NKAIN2: variants seen among roughly 807,000 people sequenced by gnomAD.
The protein encoded by NKAIN2 is sodium/potassium-transporting ATPase subunit beta-1-interacting protein 2.
In NKAIN2, 14 loss-of-function variants were observed where a neutral mutation model predicts 32.6. The ratio of observed to expected loss-of-function variants is 0.43; its 90% CI spans 0.28 to 0.67. NKAIN2 has a LOEUF of 0.67. Among genes scored for constraint, NKAIN2 ranks in the 30% least tolerant of loss-of-function variants. The pLI, the probability that NKAIN2 is intolerant of heterozygous loss-of-function variation, is 0.17. For missense variants in NKAIN2, 198 were observed against 258.3 expected (o/e 0.77, Z 1.60); for synonymous variants, 80 against 87.2 (o/e 0.92, Z 0.46).
At chr6:123,916,322 G>A (rs555894288) in intron 1 of NKAIN2, among the ~76,000 whole-genome samples, 2 of 151,984 alleles carry the variant, frequency 1.3e-5, no homozygotes, top group African/African-American at 2.4e-5. Flanking sequence ...GTGCAATCTC[G>A]GCACACTGCA....
At chr6:124,167,400 A>G (rs926076924) in intron 1 of NKAIN2, among the ~76,000 whole-genome samples, 7 of 152,154 alleles carry the variant, frequency 4.6e-5, no homozygotes, top group African/African-American at 1.7e-4. Flanking sequence ...GTTGCTTATC[A>G]GCTTAAGGAG....
chr6:124,018,131 G>A (rs1213473908), intron 1 of NKAIN2, among the ~76,000 whole-genome samples: 1 of 152,162 alleles, frequency 6.6e-6, no homozygotes, highest in Non-Finnish European at 1.5e-5. Flanking sequence ...CATGGAAGCT[G>A]TCAAAGCTTG....
In NKAIN2 at chr6:124,034,487, A is replaced by G. The variant is rs113958651; in HGVS notation, c.54+230233A>G. Among the ~76,000 whole-genome samples the G allele has an allele frequency of 4.0e-3, 610 of 152,234 alleles. 8 individuals are homozygous for G. Among genetic ancestry groups the G allele is most frequent in the African/African-American group, 0.014 (580 of 41,558 alleles). On this transcript the variant is annotated intron_variant, in intron 1 of 6. Coordinates refer to ENST00000368417, the MANE Select transcript of NKAIN2 (RefSeq NM_001040214.3). ...ATGGCTTTGTAATATTCTATGGTGT[A>G]TATGAATCACATTTTTAAAATTCAG...
chr6:124,247,651 G>C (rs1793480513), intron 1 of NKAIN2, among the ~76,000 whole-genome samples: 1 of 152,094 alleles, frequency 6.6e-6, no homozygotes, highest in Non-Finnish European at 1.5e-5. Context: ...TGCAAGTGTT[G>C]TGAAGAGTTT....
chr6:123,989,184 T>G (rs528356597), intron 1 of NKAIN2, among the ~76,000 whole-genome samples: 1 of 152,174 alleles, frequency 6.6e-6, no homozygotes, highest in Non-Finnish European at 1.5e-5. Flanking sequence ...ATAATTTGTT[T>G]GGCTAATTGA....
intron 1 of NKAIN2, among the ~76,000 whole-genome samples, chr6:124,099,020 G>T (rs1375434435): frequency 6.6e-6 from 1 of 152,054 alleles, no homozygotes; most frequent in Non-Finnish European, 1.5e-5. Context: ...CTGTCATAAA[G>T]ACAAACTGAA....
intron 2 of NKAIN2, among the ~76,000 whole-genome samples, chr6:124,353,819 T>A (rs1414351437): frequency 1.3e-5 from 2 of 151,756 alleles, no homozygotes; most frequent in Non-Finnish European, 2.9e-5. Flanking sequence ...AAATAATATA[T>A]GTGTCTGGAA....
At chr6:123,840,527 A>G (rs985425387) in intron 1 of NKAIN2, among the ~76,000 whole-genome samples, 22 of 152,248 alleles carry the variant, frequency 1.4e-4, no homozygotes, top group African/African-American at 5.1e-4. Context: ...AACAATAATA[A>G]TTTTTAACTT....
At chr6:124,204,127 C>G (rs955911560) in intron 1 of NKAIN2, among the ~76,000 whole-genome samples, 1 of 151,810 alleles carries the variant, frequency 6.6e-6, no homozygotes, top group African/African-American at 2.4e-5. Context: ...TAAACTATAG[C>G]CTTCAACAAT....
At chr6:124,055,892 A>T (rs1782621272) in intron 1 of NKAIN2, among the ~76,000 whole-genome samples, 1 of 152,188 alleles carries the variant, frequency 6.6e-6, no homozygotes, top group African/African-American at 2.4e-5. Flanking sequence ...ACATGACCAG[A>T]TGTGGTGAGA....
intron 1 of NKAIN2, among the ~76,000 whole-genome samples, chr6:123,911,948 A>G (rs1775235618): frequency 6.6e-6 from 1 of 150,686 alleles, no homozygotes; most frequent in East Asian, 2.0e-4. Context: ...AATTCAGTCT[A>G]TGTTTTGGAC....
At chr6:123,823,936 G>A (rs889791568) in intron 1 of NKAIN2, among the ~76,000 whole-genome samples, 1 of 152,078 alleles carries the variant, frequency 6.6e-6, no homozygotes, top group Non-Finnish European at 1.5e-5. Context: ...AAGTAGTTAG[G>A]AATAGATGGA....
chr6:124,602,437 T>C (rs1226145442), intron 3 of NKAIN2, among the ~76,000 whole-genome samples: 1 of 152,014 alleles, frequency 6.6e-6, no homozygotes, highest in Non-Finnish European at 1.5e-5. Context: ...TGAAAATAAC[T>C]TTCCTTTATA....
At chr6:124,326,432 A>G (rs919775874) in intron 2 of NKAIN2, among the ~76,000 whole-genome samples, 60 of 152,154 alleles carry the variant, frequency 3.9e-4, no homozygotes, top group African/African-American at 9.6e-4. Context: ...GTTACCATGA[A>G]CACCTCAAAT....
At chr6:124,117,143 C>T (rs755287767) in intron 1 of NKAIN2, among the ~76,000 whole-genome samples, 1 of 151,428 alleles carries the variant, frequency 6.6e-6, no homozygotes, top group South Asian at 2.1e-4. Flanking sequence ...TTTTCAATAG[C>T]AAATTTGAAG....
chr6:124,749,840 A>G lies in NKAIN2; in HGVS notation c.475-41499A>G, dbSNP rs533478188. Among the ~76,000 whole-genome samples the G allele has an allele frequency of 1.6e-3, 241 of 152,036 alleles. 3 individuals carry two copies. The highest frequency in any genetic ancestry group is 5.3e-3 in the African/African-American group (222 of 41,526). On this transcript the variant is annotated intron_variant, in intron 4 of 6. Coordinates refer to ENST00000368417, the MANE Select transcript of NKAIN2 (RefSeq NM_001040214.3). ...ATAATTTGATCTCACCCTATTTTAT[A>G]ACCCCATTTCCCACTATTTCCCCTT... is the stretch of plus-strand genomic sequence containing the variant.
chr6:123,944,147 C>T (rs898440610), intron 1 of NKAIN2, among the ~76,000 whole-genome samples: 2 of 152,008 alleles, frequency 1.3e-5, no homozygotes, highest in African/African-American at 4.8e-5. Flanking sequence ...CTTATACCTT[C>T]CCCTGGTTTT....
chr6:124,587,376 C>T lies in NKAIN2; in HGVS notation c.274-70810C>T, dbSNP rs564375744. 1.4e-3 allele frequency among the ~76,000 whole-genome samples: 209 copies of T among 151,924 alleles called. 1 individual carries two copies. The highest frequency in any genetic ancestry group is 4.7e-3 in the African/African-American group (195 of 41,336). ...CTGGAATTACAGGCGCATGCCACCA[C>T]GCCCGGCTAATTTTTGTATTTTTAG... On this transcript the variant is annotated intron_variant, in intron 3 of 6. Coordinates refer to ENST00000368417, the MANE Select transcript of NKAIN2 (RefSeq NM_001040214.3).
intron 1 of NKAIN2, among the ~76,000 whole-genome samples, chr6:124,271,545 T>C (rs1192271954): frequency 1.3e-5 from 2 of 152,164 alleles, no homozygotes; most frequent in African/African-American, 4.8e-5. Flanking sequence ...AATTACCCAG[T>C]CTCAGATGGT....
Sources: gnomAD v4.1 joint callset for allele counts (sites outside exome capture counted in the v4.1 genomes callset) on GRCh38, gnomAD v4.1.1 for gene constraint, MANE v1.5 for transcripts, NCBI Gene and HGNC (gene_info 2026-07-23, HGNC 2026-07-21) for gene names.